The following RAP2A variants were observed in gnomAD, a reference collection of about 807,000 sequenced individuals.
RAP2A encodes the protein ras-related protein Rap-2a.
Under a neutral mutation model 15.1 loss-of-function variants are expected in RAP2A, and 5 were observed. The observed-to-expected ratio is 0.33, with a 90% CI of 0.17 to 0.70. The LOEUF is 0.70. RAP2A is among the 30% of genes least tolerant of loss of function. The pLI is 0.68. For missense variants in RAP2A, 111 were observed against 240.3 expected (o/e 0.46, Z 3.56); for synonymous variants, 110 against 99.7 (o/e 1.10, Z -0.62).
chr13:97,464,328 C>T lies in RAP2A; in HGVS notation c.438C>T (p.Ser146=), dbSNP rs750807456. Residue 146 remains serine (S), a synonymous_variant, in exon 2 of 2, where the codon TCC becomes TCT. Coordinates refer to ENST00000245304, the MANE Select transcript of RAP2A (RefSeq NM_021033.7). The part of the protein sequence containing the change: ...EEWGCPFMET[S]AKSKTMVDEL... ...GGGGCTGCCCCTTTATGGAAACTTC[C>T]GCTAAGAGTAAAACAATGGTGGACG... The T allele has an allele frequency of 6.8e-6, 11 of 1,614,150 alleles. No individual in the cohort carries two copies. Among genetic ancestry groups the T allele is most frequent in the African/African-American group, 5.3e-5 (4 of 75,028 alleles).
chr13:97,455,366 C>T (rs1159729312), intron 1 of RAP2A, among the ~76,000 whole-genome samples: 1 of 151,470 alleles, frequency 6.6e-6, no homozygotes, highest in Non-Finnish European at 1.5e-5. Flanking sequence ...GCATCTAGGT[C>T]ATATGACATC....
rs777725275 is a variant in RAP2A, at chr13:97,465,356, T to G, written c.*914T>G. 1 of 152,660 alleles carries G rather than the reference T, an allele frequency of 6.6e-6. No individual in the cohort carries two copies. Among genetic ancestry groups the G allele is most frequent in the South Asian group, 2.1e-4 (1 of 4,830 alleles). The allele number at this position is 152,660 out of a possible 1,614,324, so 9.5% of individuals were successfully genotyped here. On this transcript the variant is annotated 3_prime_UTR_variant, in exon 2 of 2. Transcript: ENST00000245304. ...CATGTTGCATCCACATGTTCCCGTTTGCAGAAACCTCACAGGACAGTACGA... is the reference window on the plus strand; with the variant it reads ...CATGTTGCATCCACATGTTCCCGTTGGCAGAAACCTCACAGGACAGTACGA...
chr13:97,435,662 G>C (rs1346825865), intron 1 of RAP2A, among the ~76,000 whole-genome samples: 1 of 151,850 alleles, frequency 6.6e-6, no homozygotes, highest in Non-Finnish European at 1.5e-5. Context: ...TAAAATGTTT[G>C]TTTTCTCTTA....
At chr13:97,454,793 A>G (rs1169757866) in intron 1 of RAP2A, among the ~76,000 whole-genome samples, 2 of 151,458 alleles carry the variant, frequency 1.3e-5, no homozygotes, top group Non-Finnish European at 1.5e-5. Context: ...TATTTCTTTT[A>G]CAACAGATTT....
intron 1 of RAP2A, among the ~76,000 whole-genome samples, chr13:97,463,253 G>A (rs967159270): frequency 6.6e-6 from 1 of 152,202 alleles, no homozygotes; most frequent in African/African-American, 2.4e-5. Context: ...CACCAGTGTT[G>A]ACATCTGTTG....
chr13:97,459,782 A>T (rs1247331390), intron 1 of RAP2A, among the ~76,000 whole-genome samples: 1 of 152,140 alleles, frequency 6.6e-6, no homozygotes, highest in Non-Finnish European at 1.5e-5. Context: ...CATTGCACTT[A>T]ACACTTTTAT....
At chr13:97,435,309 AAG>A (rs907676887) in intron 1 of RAP2A, among the ~76,000 whole-genome samples, 15 of 152,174 alleles carry the variant, frequency 9.9e-5, no homozygotes, top group African/African-American at 3.6e-4. Flanking sequence ...CAAAACTTTA[AAG>A]ACAGATTATT....
intron 1 of RAP2A, among the ~76,000 whole-genome samples, chr13:97,440,109 G>T (rs906849283): frequency 1.3e-4 from 20 of 151,848 alleles, no homozygotes; most frequent in Admixed American, 1.3e-3. Flanking sequence ...AAAGATGTCT[G>T]TCCCAAGTAA....
chr13:97,462,295 G>A (rs1468650813), intron 1 of RAP2A, among the ~76,000 whole-genome samples: 3 of 151,808 alleles, frequency 2.0e-5, no homozygotes, highest in Admixed American at 6.6e-5. Flanking sequence ...TAAGAAAAAC[G>A]AAATGTAATT....
chr13:97,439,765 C>A (rs1023664778), intron 1 of RAP2A, among the ~76,000 whole-genome samples: 1 of 151,972 alleles, frequency 6.6e-6, no homozygotes, highest in African/African-American at 2.4e-5. Flanking sequence ...ATGAATATAG[C>A]CAAGGATAGA....
chr13:97,447,143 C>A (rs1347008225), intron 1 of RAP2A, among the ~76,000 whole-genome samples: 1 of 152,142 alleles, frequency 6.6e-6, no homozygotes, highest in Non-Finnish European at 1.5e-5. Flanking sequence ...TTATGGAGCA[C>A]CTACCAACTG....
At chr13:97,445,801 C>G (rs1247911098) in intron 1 of RAP2A, among the ~76,000 whole-genome samples, 1 of 152,162 alleles carries the variant, frequency 6.6e-6, no homozygotes, top group Non-Finnish European at 1.5e-5. Flanking sequence ...TGTTTACCAT[C>G]CCTGCTGAAC....
In RAP2A at chr13:97,467,708, A is replaced by T. The variant is rs1229076066; in HGVS notation, c.*3266A>T. 1.3e-5 allele frequency: 2 copies of T among 151,350 alleles called. No individual in the cohort carries two copies. Among genetic ancestry groups the T allele is most frequent in the Non-Finnish European group, 2.9e-5 (2 of 67,850 alleles). 9.4% of individuals were successfully genotyped at this position (151,350 alleles called of 1,614,324 possible). A position where few individuals can be genotyped will look rare whatever the true frequency, so the allele number is the denominator to read the frequency against. On this transcript the variant is annotated 3_prime_UTR_variant, in exon 2 of 2. Transcript: ENST00000245304. ...TTTTTTATTTAACATGTCATTGTTC[A>T]TCTATTAAATCTTGATCAGGGTTTC...
Position 97,434,412 on chromosome 13 carries a change from C to A in RAP2A, c.-59C>A. ...GCCGGGGCCGGGGCTGGGGGCGCAG[C>A]GCGGCCGGCGTAGGTCTATGTCGCG... On this transcript the variant is annotated 5_prime_UTR_variant, in exon 1 of 2. Coordinates refer to ENST00000245304, the MANE Select transcript of RAP2A (RefSeq NM_021033.7). 8.1e-7 allele frequency: 1 copy of A among 1,229,528 alleles called. No homozygotes were observed. Among genetic ancestry groups the A allele is most frequent in the Non-Finnish European group, 1.0e-6 (1 of 976,042 alleles). 76.2% of individuals were successfully genotyped at this position (1,229,528 alleles called of 1,614,324 possible). A position where few individuals can be genotyped will look rare whatever the true frequency, so the allele number is the denominator to read the frequency against.
Position 97,466,494 on chromosome 13 carries a change from G to A in RAP2A, c.*2052G>A, listed in dbSNP as rs969037918. ...TTTCTCTATGGAAATAAAAATATTT[G>A]TTAGTGAATTGGTTGAGTTTTGATT... On this transcript the variant is annotated 3_prime_UTR_variant, in exon 2 of 2. Transcript: ENST00000245304. 3 of 152,184 alleles carry A rather than the reference G, an allele frequency of 2.0e-5. No individual in the cohort carries two copies. Among genetic ancestry groups the A allele is most frequent in the Admixed American group, 6.5e-5 (1 of 15,280 alleles). The allele number at this position is 152,184 out of a possible 1,614,324, so 9.4% of individuals were successfully genotyped here.
chr13:97,438,117 T>C (rs1392043610), intron 1 of RAP2A, among the ~76,000 whole-genome samples: 1 of 152,254 alleles, frequency 6.6e-6, no homozygotes, highest in Non-Finnish European at 1.5e-5. Flanking sequence ...GGAAATGTTT[T>C]TCAGTTGAAA....
rs1594330865 is a variant in RAP2A, at chr13:97,468,058, A to G, written c.*3616A>G. On this transcript the variant is annotated 3_prime_UTR_variant, in exon 2 of 2. Transcript: ENST00000245304. ...GTATTATATACAAAAACAATTAAAA[A>G]TTGCCATATAATGAATTTAGTACTC... 1 of 152,258 alleles carries G rather than the reference A, an allele frequency of 6.6e-6. No homozygotes were observed. The highest frequency in any genetic ancestry group is 1.9e-4 in the East Asian group (1 of 5,206). 9.4% of individuals were successfully genotyped at this position (152,258 alleles called of 1,614,324 possible).
chr13:97,456,222 A>G (rs1440626776), intron 1 of RAP2A, among the ~76,000 whole-genome samples: 2 of 150,138 alleles, frequency 1.3e-5, no homozygotes, highest in Admixed American at 1.3e-4. Context: ...CCAGAGTTCT[A>G]ATTGTCTGTG....
rs777373139 is a variant in RAP2A, at chr13:97,464,385, C to T, written c.495C>T (p.Asn165=). 6.8e-6 allele frequency: 11 copies of T among 1,614,220 alleles called. No homozygotes were observed. The South Asian group carries it at 9.9e-5, about 14-fold the overall frequency. ...TTGCAGAAATTGTGAGGCAGATGAACTATGCTGCTCAGCCTGACAAAGATG... is the reference window on the plus strand; with the variant it reads ...TTGCAGAAATTGTGAGGCAGATGAATTATGCTGCTCAGCCTGACAAAGATG... ...ELFAEIVRQM[N]YAAQPDKDDP... The change falls in exon 2 of 2, where the codon AAC becomes AAT. Residue 165 remains asparagine (N), a synonymous_variant. Transcript: ENST00000245304.
Sources: allele counts gnomAD v4.1 joint callset (sites outside exome capture counted in the v4.1 genomes callset), GRCh38; gene constraint gnomAD v4.1.1; transcripts MANE v1.5; gene names NCBI Gene and HGNC (gene_info 2026-07-23, HGNC 2026-07-21).